OGFOD1: variants seen among roughly 807,000 people sequenced by gnomAD.
The protein encoded by OGFOD1 is 2-oxoglutarate and iron dependent oxygenase domain containing 1.
A neutral mutation model predicts 67.7 loss-of-function variants in OGFOD1; 54 were observed. The ratio of observed to expected loss-of-function variants is 0.80; its 90% confidence interval spans 0.64 to 1.00. OGFOD1 has a LOEUF of 1.00. OGFOD1 is among the 50% of genes least tolerant of loss of function. The probability of loss-of-function intolerance (pLI) is 0.00; values close to 1 mark genes in which losing one functional copy is unlikely to be tolerated. For missense variants in OGFOD1, 606 were observed against 646.7 expected (o/e 0.94, Z 0.68); for synonymous variants, 221 against 227.0 (o/e 0.97, Z 0.24).
intron 3 of OGFOD1, among the ~76,000 whole-genome samples, chr16:56,461,594 C>G (rs1261953861): frequency 2.6e-5 from 4 of 152,204 alleles, no homozygotes; most frequent in African/African-American, 9.7e-5. Context: ...ACAACTTGAA[C>G]TTGTAATCAG....
At chr16:56,466,335 C>T (rs1962900171) in intron 5 of OGFOD1, 67 bp downstream of exon 5, 1 of 981,180 alleles carries the variant, frequency 1.0e-6, no homozygotes, top group Non-Finnish European at 1.6e-6. Context: ...TGAGTTGATT[C>T]AGTATCATGT....
At chr16:56,472,642 A>C (rs1253954777) in intron 10 of OGFOD1, among the ~76,000 whole-genome samples, 2 of 152,242 alleles carry the variant, frequency 1.3e-5, no homozygotes, top group African/African-American at 4.8e-5. Context: ...AGAAAACAAG[A>C]AAAAGGAAAA....
Position 56,453,427 on chromosome 16 carries a change from C to T in OGFOD1, c.300+19C>T. On this transcript the variant is annotated intron_variant, in intron 2 of 12. Transcript: ENST00000566157. ...CCAGCAGGTATTTATTCCCCTGCCA[C>T]ATTAACTCTTCCAGCTTGGAAATTC... 8 of 1,603,444 alleles carry T rather than the reference C, an allele frequency of 5.0e-6. No homozygotes were observed. The highest frequency in any genetic ancestry group is 3.3e-4 in the Middle Eastern group (2 of 6,000).
intron 1 of OGFOD1, among the ~76,000 whole-genome samples, 183 bp downstream of exon 1, chr16:56,451,949 A>G (rs1962352720): frequency 6.6e-6 from 1 of 152,162 alleles, no homozygotes; most frequent in South Asian, 2.1e-4. Context: ...TTCGGTTGCA[A>G]TTTAGAAACG....
chr16:56,458,437 G>A (rs1962599272), intron 2 of OGFOD1, 111 bp from the exon 3 acceptor site: 2 of 952,794 alleles, frequency 2.1e-6, no homozygotes, highest in Non-Finnish European at 1.7e-6. Context: ...TGGCTTCAGA[G>A]TCTGGGCTCT....
At chr16:56,474,701 TCA>T in intron 10 of OGFOD1, 125 bp from the exon 11 acceptor site, 1 of 679,156 alleles carries the variant, frequency 1.5e-6, no homozygotes, top group Non-Finnish European at 2.4e-6. Flanking sequence ...GAATAGCACT[TCA>T]ATCAAAGGTT....
intron 3 of OGFOD1, among the ~76,000 whole-genome samples, chr16:56,460,116 T>A (rs1343799799): frequency 1.3e-5 from 2 of 152,212 alleles, no homozygotes; most frequent in Non-Finnish European, 2.9e-5. Flanking sequence ...TACTTAGACT[T>A]TTTTCCCCCT....
Position 56,466,950 on chromosome 16 carries a change from C to G in OGFOD1, c.640C>G (p.Pro214Ala). 6.2e-7 allele frequency: 1 copy of G among 1,611,988 alleles called. No homozygotes were observed. Among genetic ancestry groups the G allele is most frequent in the Non-Finnish European group, 8.5e-7 (1 of 1,178,046 alleles). The change falls in exon 6 of 13, where the codon CCT (proline) becomes GCT (alanine). Residue 214 changes from proline (P) to alanine (A), a missense_variant. Coordinates refer to ENST00000566157, the MANE Select transcript of OGFOD1 (RefSeq NM_018233.4). The part of the protein sequence containing the change: ...WNKLVFFEVS[P>A]VSFHQVSEVL... The stretch of plus-strand genomic sequence containing the variant: ...CAAACTGGTTTTCTTTGAAGTATCT[C>G]CTGTGTCCTTTCACCAGGTAAAGAC...
In OGFOD1 at chr16:56,469,986, A is replaced by C; in HGVS notation, c.901-17A>C. On this transcript the variant is annotated splice_polypyrimidine_tract_variant and intron_variant, in intron 8 of 12. Transcript: ENST00000566157. ...AGGGAGATCTGCTGAATGCTTCTTTATTTGCTCATTTTCTAGCCTGAGAAA... is the reference window on the plus strand; with the variant it reads ...AGGGAGATCTGCTGAATGCTTCTTTCTTTGCTCATTTTCTAGCCTGAGAAA... 1 of 1,612,076 alleles carries C rather than the reference A, an allele frequency of 6.2e-7. No individual in the cohort carries two copies. Among genetic ancestry groups the C allele is most frequent in the Non-Finnish European group, 8.5e-7 (1 of 1,178,752 alleles).
intron 2 of OGFOD1, chr16:56,454,800 TG>T: frequency 2.2e-6 from 1 of 446,728 alleles, no homozygotes; most frequent in Non-Finnish European, 4.5e-6. Context: ...GGTTGTATCC[TG>T]ACCTTCCCCA....
intron 12 of OGFOD1, among the ~76,000 whole-genome samples, chr16:56,475,840 AG>A (rs1489585564): frequency 2.2e-4 from 34 of 152,368 alleles, no homozygotes; most frequent in African/African-American, 8.2e-4. Flanking sequence ...TAAATGTAAT[AG>A]GTAAGTACCT....
At chr16:56,467,414 T>TA in intron 7 of OGFOD1, 121 bp downstream of exon 7, 9 of 1,154,560 alleles carry the variant, frequency 7.8e-6, no homozygotes, top group African/African-American at 1.6e-5. Context: ...TTTCCACTTT[T>TA]CTTTTTTTTT....
At position 56,467,148 on chromosome 16, in the gene OGFOD1, T is replaced by G. The variant is rs772868210; in HGVS notation, c.658-17T>G. On this transcript the variant is annotated splice_polypyrimidine_tract_variant and intron_variant, in intron 6 of 12. Transcript: ENST00000566157. ...CCTATTCTTCGTGTTGATGTGCTAC[T>G]GGGCTTCTCCTTTCAGGTGTCTGAA... is the stretch of plus-strand genomic sequence containing the variant. 6.2e-7 allele frequency: 1 copy of G among 1,614,158 alleles called. No individual in the cohort carries two copies. Among genetic ancestry groups the G allele is most frequent in the South Asian group, 1.1e-5 (1 of 91,082 alleles).
intron 4 of OGFOD1, among the ~76,000 whole-genome samples, chr16:56,464,239 T>C (rs1217561023): frequency 2.0e-5 from 3 of 152,242 alleles, no homozygotes; most frequent in African/African-American, 7.2e-5. Context: ...TGTATTCTTT[T>C]CACTGTATCA....
chr16:56,468,393 G>A (rs1234675939), intron 8 of OGFOD1, among the ~76,000 whole-genome samples: 1 of 152,176 alleles, frequency 6.6e-6, no homozygotes, highest in Non-Finnish European at 1.5e-5. Context: ...ATTTGACAGT[G>A]ATGAGGTAGC....
rs1963552542 is a variant in OGFOD1 at position 56,478,011 on chromosome 16, TGTA to T, written c.*1810_*1812del. 1 of 152,194 alleles carries T rather than the reference TGTA, an allele frequency of 6.6e-6. No individual in the cohort carries two copies. The highest frequency in any genetic ancestry group is 2.1e-4 in the South Asian group (1 of 4,838). 9.4% of individuals were successfully genotyped at this position (152,194 alleles called of 1,614,324 possible). On this transcript the variant is annotated 3_prime_UTR_variant, in exon 13 of 13. Coordinates refer to ENST00000566157, the MANE Select transcript of OGFOD1 (RefSeq NM_018233.4). ...TATGGATATTTATATATTTTACACA[TGTA>T]GTAATATTATTTCTATAACTTACTG...
chr16:56,472,765 T>A (rs1466482617), intron 10 of OGFOD1, among the ~76,000 whole-genome samples: 1 of 152,210 alleles, frequency 6.6e-6, no homozygotes, highest in Non-Finnish European at 1.5e-5. Context: ...TACACATCTA[T>A]TTTTAATGAG....
rs1963074251 is a variant in OGFOD1, at chr16:56,469,858, A to C, written c.901-145A>C. 1.3e-5 allele frequency: 8 copies of C among 603,382 alleles called. No homozygotes were observed. In the South Asian group the frequency reaches 1.8e-4, roughly 14 times the overall value. 37.4% of individuals were successfully genotyped at this position (603,382 alleles called of 1,614,324 possible). On this transcript the variant is annotated intron_variant, in intron 8 of 12. Transcript: ENST00000566157. The stretch of plus-strand genomic sequence containing the variant: ...AGAGTGAAACTCCATCTCAAAAAAA[A>C]AAAAAAAAAAAAAAAGGAATGAGAG...
At chr16:56,463,384 G>GTTTTTTTTTTTTTTTTTTTTTTTGTT (rs1962783766) in intron 4 of OGFOD1, among the ~76,000 whole-genome samples, 1 of 43,786 alleles carries the variant, frequency 2.3e-5, no homozygotes, top group Non-Finnish European at 3.9e-5. Context: ...TCTTTTTTGG[G>GTTTTTTTTTTTTTTTTTTTTTTTGTT]TTTTTTTTTT....
Sources: gnomAD v4.1 joint callset for allele counts (sites outside exome capture counted in the v4.1 genomes callset) on GRCh38, gnomAD v4.1.1 for gene constraint, MANE v1.5 for transcripts, NCBI Gene and HGNC (gene_info 2026-07-23, HGNC 2026-07-21) for gene names.